Variants in ADAMTS14 observed in about 807,000 individuals in gnomAD.
The protein encoded by ADAMTS14 is ADAM metallopeptidase with thrombospondin type 1 motif 14, also known as A disintegrin and metalloproteinase with thrombospondin motifs 14.
In ADAMTS14, 100 loss-of-function variants were observed where a neutral mutation model predicts 128.6. The observed-to-expected ratio is 0.78, with a 90% CI of 0.66 to 0.92. The LOEUF (loss-of-function observed/expected upper bound fraction) is 0.92. ADAMTS14 is among the 40% of genes least tolerant of loss of function. ADAMTS14 has a pLI of 0.00. For synonymous variants in ADAMTS14, 665 were observed against 653.8 expected (o/e 1.02, Z -0.26); for missense variants, 1,562 against 1,658.6 (o/e 0.94, Z 1.01).
At chr10:70,677,741 G>A (rs557945141) in intron 2 of ADAMTS14, among the ~76,000 whole-genome samples, 6 of 152,252 alleles carry the variant, frequency 3.9e-5, no homozygotes, top group Admixed American at 2.6e-4. Flanking sequence ...CACTGGGGCC[G>A]CCGGCACAGA....
intron 16 of ADAMTS14, among the ~76,000 whole-genome samples, chr10:70,750,551 G>T (rs75009765): frequency 0.037 from 5,641 of 152,290 alleles, 338 homozygotes; most frequent in African/African-American, 0.13. Context: ...TGGTGGCAGG[G>T]TTACCTTGGA....
chr10:70,744,579 C>T (rs1409015309), intron 14 of ADAMTS14, among the ~76,000 whole-genome samples: 2 of 152,018 alleles, frequency 1.3e-5, no homozygotes, highest in Admixed American at 6.5e-5. Context: ...TTTTTTTAAA[C>T]CTGTGGCACT....
At chr10:70,751,991 G>C in intron 17 of ADAMTS14, 104 bp from the exon 18 acceptor site, 1 of 1,483,496 alleles carries the variant, frequency 6.7e-7, no homozygotes, top group Non-Finnish European at 9.0e-7. Context: ...AGAGGGAGGT[G>C]GGATTGGCCC....
At chr10:70,733,006 T>G (rs575376948) in intron 7 of ADAMTS14, among the ~76,000 whole-genome samples, 1 of 152,286 alleles carries the variant, frequency 6.6e-6, no homozygotes, top group African/African-American at 2.4e-5. Flanking sequence ...ACATGCTGGG[T>G]GGACACAAAT....
chr10:70,735,249 T>C lies in ADAMTS14; in HGVS notation c.1433T>C (p.Met478Thr). 6.2e-7 allele frequency: 1 copy of C among 1,614,028 alleles called. No homozygotes were observed. The highest frequency in any genetic ancestry group is 8.5e-7 in the Non-Finnish European group (1 of 1,179,964). Residue 478 changes from methionine to threonine, a missense_variant, in exon 9 of 22, where the codon ATG (methionine) becomes ACG (threonine). Coordinates refer to ENST00000373207, the MANE Select transcript of ADAMTS14 (RefSeq NM_080722.4). ...PPELPGINYS[M>T]DEQCRFDFGS... Reference sequence around the variant, plus strand: ...GAGCTGCCTGGGATCAACTACTCAATGGATGAGCAGTGCCGCTTTGACTTT... The same window carrying C: ...GAGCTGCCTGGGATCAACTACTCAACGGATGAGCAGTGCCGCTTTGACTTT...
chr10:70,751,972 G>T, intron 17 of ADAMTS14, 123 bp from the exon 18 acceptor site: 1 of 1,399,414 alleles, frequency 7.1e-7, no homozygotes, highest in Non-Finnish European at 9.6e-7. Flanking sequence ...GGCAGGCGGG[G>T]GCATAGGCAG....
Position 70,674,706 on chromosome 10 carries a change from G to A in ADAMTS14, c.233G>A (p.Arg78Gln), listed in dbSNP as rs201449180. 5.0e-6 allele frequency: 8 copies of A among 1,613,376 alleles called. No individual in the cohort carries two copies. Among genetic ancestry groups the A allele is most frequent in the Admixed American group, 1.7e-5 (1 of 60,002 alleles). Residue 78 changes from arginine (R) to glutamine (Q), a missense_variant, in exon 2 of 22, where the codon CGA becomes CAA. Transcript: ENST00000373207. ...MVVDTPPTLP[R>Q]HSSHLRVARS... is the part of the protein sequence containing the mutation. ...GTGGACACGCCACCCACACTACCAC[G>A]ACACTCCAGTCACCTCCGGGTGGCT... is the stretch of plus-strand genomic sequence containing the variant.
chr10:70,683,158 A>G (rs541381178), intron 2 of ADAMTS14, among the ~76,000 whole-genome samples: 230 of 152,202 alleles, frequency 1.5e-3, no homozygotes, highest in African/African-American at 5.4e-3. Context: ...GCATGTGCTC[A>G]CGTAGTCACT....
intron 2 of ADAMTS14, among the ~76,000 whole-genome samples, chr10:70,679,286 AG>A (rs1342836882): frequency 4.6e-5 from 7 of 152,178 alleles, no homozygotes; most frequent in Non-Finnish European, 1.5e-5. Context: ...GCAGGAAATA[AG>A]GGATGTGGGG....
At chr10:70,701,733 G>A (rs1299992750) in intron 2 of ADAMTS14, among the ~76,000 whole-genome samples, 5 of 152,084 alleles carry the variant, frequency 3.3e-5, no homozygotes, top group Admixed American at 6.5e-5. Context: ...CTCATTTATC[G>A]TGAATGAGCA....
intron 15 of ADAMTS14, 49 bp downstream of exon 15, chr10:70,745,355 C>T (rs765243267): frequency 6.3e-7 from 1 of 1,588,102 alleles, no homozygotes. Flanking sequence ...AGGCCCTGCC[C>T]TCTGACTTGG....
intron 2 of ADAMTS14, among the ~76,000 whole-genome samples, chr10:70,683,651 C>A (rs1839877341): frequency 6.6e-6 from 1 of 152,218 alleles, no homozygotes. Flanking sequence ...AAACTTGGAA[C>A]TGAAAACAAC....
chr10:70,724,045 G>A (rs1841352316), intron 4 of ADAMTS14, among the ~76,000 whole-genome samples: 1 of 152,240 alleles, frequency 6.6e-6, no homozygotes, highest in South Asian at 2.1e-4. Flanking sequence ...TTGTGAGGCT[G>A]TATGCCAAGC....
chr10:70,738,005 A>G (rs1313256977), intron 10 of ADAMTS14, among the ~76,000 whole-genome samples: 2 of 152,190 alleles, frequency 1.3e-5, no homozygotes, highest in East Asian at 3.9e-4. Flanking sequence ...ATTACACCTC[A>G]TTATAGTGCC....
intron 14 of ADAMTS14, 43 bp from the exon 15 acceptor site, chr10:70,745,183 C>G: frequency 6.3e-7 from 1 of 1,586,558 alleles, no homozygotes. Flanking sequence ...GTGGGACCAC[C>G]AGCTTAGGAT....
chr10:70,710,971 G>A (rs139869128), intron 4 of ADAMTS14, among the ~76,000 whole-genome samples: 271 of 152,296 alleles, frequency 1.8e-3, no homozygotes, highest in Admixed American at 4.4e-3. Flanking sequence ...TTGACGAGGT[G>A]GTCACTAGGG....
intron 4 of ADAMTS14, among the ~76,000 whole-genome samples, chr10:70,711,252 A>G (rs958228020): frequency 1.3e-5 from 2 of 152,220 alleles, no homozygotes; most frequent in African/African-American, 4.8e-5. Context: ...TGACAACACA[A>G]CGCTGACTCC....
intron 2 of ADAMTS14, among the ~76,000 whole-genome samples, chr10:70,677,981 A>G (rs1385859148): frequency 6.6e-6 from 1 of 152,252 alleles, no homozygotes; most frequent in Non-Finnish European, 1.5e-5. Flanking sequence ...ATTTCAAAAA[A>G]TTTGTACTGA....
At chr10:70,707,316 T>A (rs888832222) in intron 3 of ADAMTS14, among the ~76,000 whole-genome samples, 1 of 152,148 alleles carries the variant, frequency 6.6e-6, no homozygotes, top group Non-Finnish European at 1.5e-5. Flanking sequence ...CCTCTTCACA[T>A]CCTCAGTCCC....
Sources: gnomAD v4.1 joint callset for allele counts (sites outside exome capture counted in the v4.1 genomes callset) on GRCh38, gnomAD v4.1.1 for gene constraint, MANE v1.5 for transcripts, NCBI Gene and HGNC (gene_info 2026-07-23, HGNC 2026-07-21) for gene names.